ARHGAP24: variants seen among roughly 807,000 people sequenced by gnomAD.
The protein encoded by ARHGAP24 is rho GTPase-activating protein 24.
In ARHGAP24, 50 loss-of-function variants were observed where a neutral mutation model predicts 76.4. The observed-to-expected ratio is 0.65, with a 90% confidence interval of 0.52 to 0.83. The LOEUF is 0.83. Ranked by LOEUF, ARHGAP24 falls within the 40% of genes least tolerant of loss-of-function variation. The pLI, the probability that ARHGAP24 is intolerant of heterozygous loss-of-function variation, is 0.00. For synonymous variants in ARHGAP24, 345 were observed against 323.3 expected (o/e 1.07, Z -0.72); for missense variants, 930 against 914.2 (o/e 1.02, Z -0.22).
At chr4:85,630,973 T>A (rs1344243776) in intron 2 of ARHGAP24, among the ~76,000 whole-genome samples, 1 of 152,016 alleles carries the variant, frequency 6.6e-6, no homozygotes, top group Non-Finnish European at 1.5e-5. Flanking sequence ...TACTATTCAC[T>A]GCCATACACA....
At chr4:85,786,884 A>C (rs1165822198) in intron 3 of ARHGAP24, among the ~76,000 whole-genome samples, 2 of 152,178 alleles carry the variant, frequency 1.3e-5, no homozygotes, top group Non-Finnish European at 2.9e-5. Flanking sequence ...TTCTGGAATC[A>C]TTACTTCTGA....
intron 1 of ARHGAP24, among the ~76,000 whole-genome samples, chr4:85,560,071 G>C (rs1548107): frequency 0.59 from 89,925 of 151,814 alleles, 27,796 homozygotes; most frequent in Non-Finnish European, 0.68. Context: ...AATAATGTCT[G>C]CCTTGGGCTT....
At chr4:85,909,181 G>A (rs1174916496) in intron 3 of ARHGAP24, among the ~76,000 whole-genome samples, 4 of 152,110 alleles carry the variant, frequency 2.6e-5, no homozygotes, top group African/African-American at 7.2e-5. Context: ...TACTGAGTTT[G>A]CTAACTTTGA....
At chr4:85,848,225 G>A (rs2110157724) in intron 3 of ARHGAP24, among the ~76,000 whole-genome samples, 1 of 152,242 alleles carries the variant, frequency 6.6e-6, no homozygotes, top group Admixed American at 6.5e-5. Flanking sequence ...GGGTACATGT[G>A]CACAACATGC....
At chr4:85,666,326 C>A (rs1722615192) in intron 2 of ARHGAP24, among the ~76,000 whole-genome samples, 1 of 152,192 alleles carries the variant, frequency 6.6e-6, no homozygotes, top group African/African-American at 2.4e-5. Flanking sequence ...GAGGCTTCTG[C>A]ATTCTTCACG....
chr4:85,921,801 C>T (rs1735733899), intron 3 of ARHGAP24, among the ~76,000 whole-genome samples: 2 of 152,146 alleles, frequency 1.3e-5, no homozygotes, highest in Non-Finnish European at 2.9e-5. Flanking sequence ...CTCACAGGAG[C>T]AAACCCTGTT....
At chr4:85,722,416 A>C (rs1046964819) in intron 3 of ARHGAP24, 20 of 206,424 alleles carry the variant, frequency 9.7e-5, no homozygotes, top group Middle Eastern at 4.7e-4. Context: ...AACAAACAAA[A>C]AAAAACAACT....
In ARHGAP24 at chr4:85,648,133, A is replaced by T. The variant is rs575483727; in HGVS notation, c.181-73752A>T. Among the ~76,000 whole-genome samples, 159 of 152,282 alleles carry T rather than the reference A, an allele frequency of 1.0e-3. 1 individual carries two copies. The highest frequency in any genetic ancestry group is 3.3e-3 in the African/African-American group (137 of 41,586). On this transcript the variant is annotated intron_variant, in intron 2 of 9. Coordinates refer to ENST00000395184, the MANE Select transcript of ARHGAP24 (RefSeq NM_001025616.3). ...GGAAATGTGTACGCACTTACAGATT[A>T]TCTGCAGAACCAAAACCTTGACTCA...
intron 2 of ARHGAP24, among the ~76,000 whole-genome samples, chr4:85,578,309 C>T (rs748424126): frequency 1.6e-4 from 24 of 152,162 alleles, no homozygotes; most frequent in Non-Finnish European, 2.6e-4. Context: ...CTCCTCAGGT[C>T]GCTTTTGACT....
intron 1 of ARHGAP24, among the ~76,000 whole-genome samples, chr4:85,508,541 C>A (rs990103846): frequency 6.6e-6 from 1 of 152,154 alleles, no homozygotes; most frequent in Non-Finnish European, 1.5e-5. Context: ...AAGAGAAACA[C>A]AATACAGATC....
intron 3 of ARHGAP24, among the ~76,000 whole-genome samples, chr4:85,763,353 T>C (rs879481225): frequency 1.3e-5 from 2 of 152,134 alleles, no homozygotes; most frequent in Non-Finnish European, 2.9e-5. Context: ...TAAACAGCTG[T>C]GTCTTGTATT....
At chr4:85,665,598 T>C (rs1210939296) in intron 2 of ARHGAP24, among the ~76,000 whole-genome samples, 5 of 152,256 alleles carry the variant, frequency 3.3e-5, no homozygotes, top group African/African-American at 1.2e-4. Flanking sequence ...TGATGCAGTT[T>C]CTTCCTAGCC....
intron 3 of ARHGAP24, 58 bp downstream of exon 3, chr4:85,722,030 G>A: frequency 6.8e-7 from 1 of 1,466,950 alleles, no homozygotes; most frequent in Non-Finnish European, 9.5e-7. Context: ...TAAAGGTGAA[G>A]ATGGGTCAGA....
At chr4:85,526,564 T>G (rs1414177872) in intron 1 of ARHGAP24, among the ~76,000 whole-genome samples, 1 of 152,078 alleles carries the variant, frequency 6.6e-6, no homozygotes, top group Non-Finnish European at 1.5e-5. Flanking sequence ...ACTATGGGAC[T>G]TCTGCCTCTA....
rs1311273868 is a variant in ARHGAP24, at chr4:85,595,915, G to T, written c.180+25194G>T. Reference sequence around the variant, plus strand: ...TTGACTTTGTAATGATGATCTAAAAGATAACATAAAAGTCCCTTGGTCTGA... The same window carrying T: ...TTGACTTTGTAATGATGATCTAAAATATAACATAAAAGTCCCTTGGTCTGA... On this transcript the variant is annotated intron_variant, in intron 2 of 9. Transcript: ENST00000395184. Among the ~76,000 whole-genome samples the T allele has an allele frequency of 3.3e-5, 5 of 152,056 alleles. No homozygotes were observed. The East Asian group carries it at 9.7e-4, about 29-fold the overall frequency.
intron 3 of ARHGAP24, among the ~76,000 whole-genome samples, chr4:85,807,533 T>C (rs973070157): frequency 6.6e-6 from 1 of 152,204 alleles, no homozygotes. Flanking sequence ...ATACCCATTA[T>C]TGTCTTTCCT....
intron 1 of ARHGAP24, among the ~76,000 whole-genome samples, chr4:85,521,767 C>T (rs1186013856): frequency 6.6e-6 from 1 of 152,132 alleles, no homozygotes. Flanking sequence ...AGTACATATT[C>T]TTTCCAAATC....
rs191683187 is a variant in ARHGAP24, at chr4:85,975,272, A to T, written c.806+311A>T. 3.9e-3 allele frequency among the ~76,000 whole-genome samples: 587 copies of T among 152,334 alleles called. 2 individuals are homozygous for T. Among genetic ancestry groups the T allele is most frequent in the Non-Finnish European group, 6.1e-3 (414 of 68,028 alleles). The stretch of plus-strand genomic sequence containing the variant: ...AGGAAAAGAAGCATGCCACCTTGGC[A>T]TGAGAAACATCTGCATGGGAGCCAA... On this transcript the variant is annotated intron_variant, in intron 7 of 9. Coordinates refer to ENST00000395184, the MANE Select transcript of ARHGAP24 (RefSeq NM_001025616.3).
At position 85,995,097 on chromosome 4, in the gene ARHGAP24, G is replaced by A. The variant is rs368384087; in HGVS notation, c.1443G>A (p.Thr481=). ...GCACGCACAGTGTACAGAATGGAAC[G>A]GTGCGCATGGGCATTTTGAACAGCG... ...KMGTHSVQNG[T]VRMGILNSDT... The change falls in exon 9 of 10, where the codon ACG becomes ACA. Residue 481 remains threonine (T), a synonymous_variant. Transcript: ENST00000395184. 104 of 1,613,898 alleles carry A rather than the reference G, an allele frequency of 6.4e-5. No individual in the cohort carries two copies. Among genetic ancestry groups the A allele is most frequent in the African/African-American group, 6.4e-4 (48 of 74,880 alleles).
Sources: allele counts gnomAD v4.1 joint callset (sites outside exome capture counted in the v4.1 genomes callset), GRCh38; gene constraint gnomAD v4.1.1; transcripts MANE v1.5; gene names NCBI Gene and HGNC (gene_info 2026-07-23, HGNC 2026-07-21).